OSBPL2: variants seen among roughly 807,000 people sequenced by gnomAD.
OSBPL2 encodes oxysterol-binding protein-related protein 2.
In OSBPL2, 18 loss-of-function variants were observed where a neutral mutation model predicts 58.4. That is an observed-to-expected ratio of 0.31 (90% CI 0.21 to 0.46). OSBPL2 has a LOEUF of 0.46. Among genes scored for constraint, OSBPL2 ranks in the 20% least tolerant of loss-of-function variants. OSBPL2 has a pLI of 1.00. For missense variants in OSBPL2, 461 were observed against 616.5 expected (o/e 0.75, Z 2.67); for synonymous variants, 221 against 234.1 (o/e 0.94, Z 0.51).
At chr20:62,241,299 TCTC>T (rs1489345233) in intron 1 of OSBPL2, among the ~76,000 whole-genome samples, 2 of 152,162 alleles carry the variant, frequency 1.3e-5, no homozygotes, top group African/African-American at 4.8e-5. Flanking sequence ...TTCACACCAT[TCTC>T]CTGCCTCAGC....
At chr20:62,262,940 G>A (rs946397328) in intron 3 of OSBPL2, among the ~76,000 whole-genome samples, 1 of 152,242 alleles carries the variant, frequency 6.6e-6, no homozygotes, top group African/African-American at 2.4e-5. Flanking sequence ...GGTCTGGCAC[G>A]CCTCTCCCCA....
chr20:62,239,434 G>A (rs1379659407), intron 1 of OSBPL2, among the ~76,000 whole-genome samples: 2 of 152,190 alleles, frequency 1.3e-5, no homozygotes, highest in African/African-American at 4.8e-5. Flanking sequence ...CCGGCGACGA[G>A]GCAGTGGGTG....
At position 62,284,222 on chromosome 20, in the gene OSBPL2, C is replaced by A. The variant is rs766608396; in HGVS notation, c.996+53C>A. On this transcript the variant is annotated intron_variant, in intron 10 of 13. Coordinates refer to ENST00000313733, the MANE Select transcript of OSBPL2 (RefSeq NM_144498.4). ...GCTGAGCCCTGGGTGCTGAGGGCTG[C>A]CAGGCCGCTGCTGCCTTTAGCTCAC... 59 of 1,611,270 alleles carry A rather than the reference C, an allele frequency of 3.7e-5. No individual in the cohort carries two copies. The African/African-American group carries it at 6.4e-4, about 17-fold the overall frequency.
intron 1 of OSBPL2, among the ~76,000 whole-genome samples, chr20:62,251,613 G>T (rs1360622728): frequency 6.6e-6 from 1 of 151,392 alleles, no homozygotes; most frequent in Non-Finnish European, 1.5e-5. Context: ...TTTCCATGTT[G>T]GTCAGGCTGG....
intron 1 of OSBPL2, chr20:62,255,249 C>T (rs1980844468): frequency 6.6e-6 from 1 of 152,168 alleles, no homozygotes; most frequent in African/African-American, 2.4e-5. Flanking sequence ...AGGTGCCTGC[C>T]ACCACGCCTG....
intron 6 of OSBPL2, among the ~76,000 whole-genome samples, chr20:62,274,175 AC>A (rs1441968204): frequency 1.3e-5 from 2 of 152,048 alleles, no homozygotes; most frequent in African/African-American, 4.8e-5. Context: ...CTCTTCACCC[AC>A]CTGGTTGCCC....
intron 1 of OSBPL2, among the ~76,000 whole-genome samples, chr20:62,244,584 G>A (rs957919856): frequency 6.6e-6 from 1 of 152,372 alleles, no homozygotes; most frequent in African/African-American, 2.4e-5. Context: ...GTACGGAAGC[G>A]CTTGCATTCA....
At chr20:62,283,176 G>C (rs909109203) in intron 9 of OSBPL2, among the ~76,000 whole-genome samples, 2 of 152,182 alleles carry the variant, frequency 1.3e-5, no homozygotes, top group African/African-American at 4.8e-5. Flanking sequence ...GGCCAGACTC[G>C]CTGACCTTCA....
At chr20:62,279,948 A>G (rs1568847284) in intron 7 of OSBPL2, 1 of 1,303,212 alleles carries the variant, frequency 7.7e-7, no homozygotes, top group Middle Eastern at 2.2e-4. Flanking sequence ...GTGGGAGGGG[A>G]CCCTCTGAGA....
intron 9 of OSBPL2, among the ~76,000 whole-genome samples, chr20:62,283,150 C>A (rs1025382040): frequency 2.0e-5 from 3 of 151,992 alleles, no homozygotes; most frequent in African/African-American, 7.2e-5. Flanking sequence ...TTTCCAGAAC[C>A]GGGCAGGGAC....
At position 62,256,083 on chromosome 20, in the gene OSBPL2, A is replaced by T; in HGVS notation, c.-102A>T. 4.2e-6 allele frequency: 6 copies of T among 1,427,644 alleles called. 1 individual carries two copies. In the South Asian group the frequency reaches 7.9e-5, roughly 19 times the overall value. The allele number at this position is 1,427,644 out of a possible 1,614,324, so 88.4% of individuals were successfully genotyped here. ...TCTTCAGTGTCTATTGGATTTTTCC[A>T]AGAGAAAGTTTGTAAAATTCCTTAC... On this transcript the variant is annotated 5_prime_UTR_variant, in exon 2 of 14. Transcript: ENST00000313733.
chr20:62,268,887 C>T (rs187091317), intron 4 of OSBPL2, among the ~76,000 whole-genome samples: 1 of 152,246 alleles, frequency 6.6e-6, no homozygotes, highest in Admixed American at 6.5e-5. Flanking sequence ...GAAACCCTGT[C>T]TCTACTAAAA....
At chr20:62,287,224 AAT>A (rs756587178) in intron 11 of OSBPL2, among the ~76,000 whole-genome samples, 2 of 49,274 alleles carry the variant, frequency 4.1e-5, no homozygotes, top group Non-Finnish European at 1.0e-4. Flanking sequence ...TTTTATGACA[AAT>A]AAAATATGTG....
At chr20:62,284,008 G>C (rs764959308) in intron 9 of OSBPL2, 38 bp from the exon 10 acceptor site, 15 of 1,595,402 alleles carry the variant, frequency 9.4e-6, no homozygotes, top group Non-Finnish European at 1.3e-5. Flanking sequence ...GGTTTGTAAT[G>C]ACTAAGACTT....
intron 1 of OSBPL2, among the ~76,000 whole-genome samples, chr20:62,245,115 TG>T (rs1980014801): frequency 6.6e-6 from 1 of 151,828 alleles, no homozygotes. Context: ...TTTTTTTTTT[TG>T]AGACGGTGTC....
chr20:62,255,928 T>C, intron 1 of OSBPL2, 129 bp from the exon 2 acceptor site: 1 of 435,932 alleles, frequency 2.3e-6, no homozygotes, highest in Non-Finnish European at 4.1e-6. Context: ...TGTGATGTGA[T>C]AATTTATTTT....
chr20:62,293,098 G>A (rs946457109), intron 13 of OSBPL2, among the ~76,000 whole-genome samples: 69 of 151,606 alleles, frequency 4.6e-4, no homozygotes, highest in Admixed American at 1.9e-3. Context: ...TCCTGACCTC[G>A]TGATCCGCCT....
At chr20:62,286,424 TG>T in intron 10 of OSBPL2, 158 bp from the exon 11 acceptor site, 1 of 747,976 alleles carries the variant, frequency 1.3e-6, no homozygotes, top group Non-Finnish European at 2.2e-6. Context: ...CACTCCAGCC[TG>T]GGCAACAGAG....
chr20:62,272,402 G>C, intron 5 of OSBPL2, 143 bp downstream of exon 5: 1 of 886,232 alleles, frequency 1.1e-6, no homozygotes, highest in East Asian at 2.7e-5. Flanking sequence ...CCTGGCGGTC[G>C]TGGCATTTGT....
Sources: gnomAD v4.1 joint callset for allele counts (sites outside exome capture counted in the v4.1 genomes callset) on GRCh38, gnomAD v4.1.1 for gene constraint, MANE v1.5 for transcripts, NCBI Gene and HGNC (gene_info 2026-07-23, HGNC 2026-07-21) for gene names.